MYBL1: variants seen among roughly 807,000 people sequenced by gnomAD.
MYBL1 encodes MYB proto-oncogene like 1.
MYBL1 carries 17 observed loss-of-function variants against 96.3 expected under a neutral mutation model. That is an observed-to-expected ratio of 0.18 (90% CI 0.12 to 0.26). The LOEUF is 0.26. MYBL1 is among the 10% of genes least tolerant of loss of function. MYBL1 has a pLI of 1.00. For missense variants in MYBL1, 701 were observed against 882.9 expected, an observed-to-expected ratio of 0.79 and a Z score of 2.61; for synonymous variants, 282 against 292.7, an observed-to-expected ratio of 0.96 and a Z score of 0.37.
intron 9 of MYBL1, among the ~76,000 whole-genome samples, chr8:66,577,710 C>G (rs1382335502): frequency 6.6e-5 from 10 of 151,990 alleles, no homozygotes; most frequent in Admixed American, 4.6e-4. Context: ...ACTTTCTTCA[C>G]AGAATTGGAA....
chr8:66,565,657 C>T (rs1249250599), intron 15 of MYBL1: 2 of 153,452 alleles, frequency 1.3e-5, no homozygotes, highest in African/African-American at 4.8e-5. Context: ...TGTTTTACAA[C>T]TTCTGAGCCA....
At chr8:66,578,744 G>A (rs1214524369) in intron 9 of MYBL1, among the ~76,000 whole-genome samples, 1 of 152,184 alleles carries the variant, frequency 6.6e-6, no homozygotes, top group East Asian at 1.9e-4. Flanking sequence ...ATACCCAAAG[G>A]ACTATAAATC....
chr8:66,603,678 G>T (rs148105643), intron 1 of MYBL1, among the ~76,000 whole-genome samples: 2 of 152,012 alleles, frequency 1.3e-5, no homozygotes, highest in Non-Finnish European at 2.9e-5. Context: ...TTTTTGTAGA[G>T]ATGGGGTTTT....
chr8:66,578,447 A>C (rs1226887481), intron 9 of MYBL1, among the ~76,000 whole-genome samples: 5 of 152,272 alleles, frequency 3.3e-5, no homozygotes, highest in African/African-American at 7.2e-5. Context: ...TCTCAAAAGA[A>C]GACATTTATG....
intron 9 of MYBL1, among the ~76,000 whole-genome samples, chr8:66,579,254 A>AAT (rs1563534051): frequency 5.3e-5 from 8 of 150,164 alleles, no homozygotes; most frequent in Admixed American, 5.3e-4. Context: ...TTAAAAAAAA[A>AAT]TTTTTTTTAA....
At chr8:66,609,041 T>G (rs1285464132) in intron 1 of MYBL1, among the ~76,000 whole-genome samples, 3 of 151,962 alleles carry the variant, frequency 2.0e-5, no homozygotes, top group Non-Finnish European at 4.4e-5. Context: ...GTGATTAGGG[T>G]GATTATAAAA....
rs1050889195 is a variant in MYBL1, at chr8:66,573,355, C to A, written c.1613+9G>T. 1 of 1,597,952 alleles carries A rather than the reference C, an allele frequency of 6.3e-7. No individual in the cohort carries two copies. Among genetic ancestry groups the A allele is most frequent in the East Asian group, 2.2e-5 (1 of 44,606 alleles). On this transcript the variant is annotated intron_variant, in intron 11 of 15. Transcript: ENST00000522677. The stretch of plus-strand genomic sequence containing the variant: ...TTTTCTCTAACACAATTATTTAATA[C>A]CTACTTACCCTACATTTTCCTTTTG...
chr8:66,565,736 T>G (rs1162892649), intron 15 of MYBL1, among the ~76,000 whole-genome samples: 1 of 152,090 alleles, frequency 6.6e-6, no homozygotes, highest in Non-Finnish European at 1.5e-5. Flanking sequence ...TTACCCTTTT[T>G]CAGAATAGCA....
Position 66,584,595 on chromosome 8 carries a change from A to G in MYBL1, c.868-4229T>C, listed in dbSNP as rs547915090. Among the ~76,000 whole-genome samples the G allele has an allele frequency of 2.0e-5, 3 of 152,296 alleles. No individual in the cohort carries two copies. In the South Asian group the frequency reaches 6.2e-4, roughly 32 times the overall value. On this transcript the variant is annotated intron_variant, in intron 8 of 15. Coordinates refer to ENST00000522677, the MANE Select transcript of MYBL1 (RefSeq NM_001080416.4). ...GTGTTTTGGCTGGGCATGGTGGCTC[A>G]CGCCTGTAATATCAGCACTTTGGGA... is the stretch of plus-strand genomic sequence containing the variant.
chr8:66,580,414 G>A, intron 8 of MYBL1, 48 bp from the exon 9 acceptor site: 1 of 1,267,966 alleles, frequency 7.9e-7, no homozygotes. Context: ...TCTCAATGTA[G>A]GCATAAATTC....
At chr8:66,578,574 G>C (rs1251872363) in intron 9 of MYBL1, among the ~76,000 whole-genome samples, 2 of 151,386 alleles carry the variant, frequency 1.3e-5, no homozygotes, top group African/African-American at 4.8e-5. Flanking sequence ...TAAAAAGTCA[G>C]GAAACAACAG....
intron 1 of MYBL1, among the ~76,000 whole-genome samples, chr8:66,607,591 T>A (rs1810371198): frequency 6.6e-6 from 1 of 151,594 alleles, no homozygotes; most frequent in Non-Finnish European, 1.5e-5. Context: ...CCTTCTTCAA[T>A]ACATGTGATC....
At chr8:66,595,499 T>A (rs1563545548) in intron 6 of MYBL1, 84 bp downstream of exon 6, 4 of 772,956 alleles carry the variant, frequency 5.2e-6, no homozygotes, top group Non-Finnish European at 1.9e-6. Context: ...ACGCATTGTA[T>A]TTGTCCTATT....
intron 8 of MYBL1, among the ~76,000 whole-genome samples, chr8:66,592,039 G>C (rs532003430): frequency 6.6e-6 from 1 of 152,050 alleles, no homozygotes; most frequent in Non-Finnish European, 1.5e-5. Context: ...GCCAAGGCAG[G>C]AGAATCACTT....
intron 8 of MYBL1, among the ~76,000 whole-genome samples, chr8:66,585,381 G>A (rs1279134560): frequency 6.6e-6 from 1 of 152,036 alleles, no homozygotes. Context: ...TTTTGTGAAA[G>A]AAGAAAATCA....
chr8:66,580,939 C>A (rs372971094), intron 8 of MYBL1, among the ~76,000 whole-genome samples: 1 of 151,550 alleles, frequency 6.6e-6, no homozygotes, highest in African/African-American at 2.4e-5. Context: ...CGGCTCACTG[C>A]AACTTCCACC....
At chr8:66,589,277 T>C (rs1809541658) in intron 8 of MYBL1, among the ~76,000 whole-genome samples, 1 of 151,814 alleles carries the variant, frequency 6.6e-6, no homozygotes, top group African/African-American at 2.4e-5. Context: ...CATGATATAA[T>C]CATCTACAAA....
Position 66,576,012 on chromosome 8 carries a change from A to C in MYBL1, c.1465T>G (p.Ser489Ala), listed in dbSNP as rs776670151. ...TPLKTLPFSPSQFFNTCPGNE... is the reference protein window; with the variant it reads ...TPLKTLPFSPAQFFNTCPGNE... ...AACAAAATGAACACCACTACCTGTG[A>C]AGGAGAAAATGGTAGTGTTTTCAGT... is the stretch of plus-strand genomic sequence containing the variant. The change falls in exon 10 of 16, where the codon TCA becomes GCA. Residue 489 changes from serine (S) to alanine (A), a missense_variant. Physicochemically the swap from Ser to Ala is moderately conservative, Grantham distance 99. Coordinates refer to ENST00000522677, the MANE Select transcript of MYBL1 (RefSeq NM_001080416.4). 4.3e-6 allele frequency: 7 copies of C among 1,610,546 alleles called. No individual in the cohort carries two copies. Among genetic ancestry groups the C allele is most frequent in the Non-Finnish European group, 5.9e-6 (7 of 1,177,392 alleles).
At chr8:66,587,631 C>A (rs1226795883) in intron 8 of MYBL1, among the ~76,000 whole-genome samples, 1 of 152,098 alleles carries the variant, frequency 6.6e-6, no homozygotes, top group Non-Finnish European at 1.5e-5. Context: ...CCAGTTATCG[C>A]CCTCTTTGTG....
Sources: allele counts gnomAD v4.1 joint callset (sites outside exome capture counted in the v4.1 genomes callset), GRCh38; gene constraint gnomAD v4.1.1; transcripts MANE v1.5; gene names NCBI Gene and HGNC (gene_info 2026-07-23, HGNC 2026-07-21).